The following TRPM3 variants were observed in gnomAD, a reference collection of about 807,000 sequenced individuals.
TRPM3 encodes transient receptor potential cation channel subfamily M member 3, also known as long transient receptor potential channel 3.
Under a neutral mutation model 181.2 loss-of-function variants are expected in TRPM3, and 77 were observed. The ratio of observed to expected loss-of-function variants is 0.42; its 90% CI spans 0.35 to 0.51. The LOEUF (loss-of-function observed/expected upper bound fraction) is 0.51. TRPM3 is among the 20% of genes least tolerant of loss of function. The probability of loss-of-function intolerance (pLI) is 0.01; values close to 1 mark genes in which losing one functional copy is unlikely to be tolerated. For missense variants in TRPM3, 1,759 were observed against 2,196.7 expected (o/e 0.80, Z 3.98); for synonymous variants, 745 against 796.4 (o/e 0.94, Z 1.09).
At chr9:71,333,549 C>A (rs1302895409) in intron 1 of TRPM3, among the ~76,000 whole-genome samples, 2 of 151,932 alleles carry the variant, frequency 1.3e-5, no homozygotes, top group African/African-American at 4.8e-5. Flanking sequence ...TGTGGGGAGG[C>A]CCCTGTGAGA....
chr9:71,405,823 G>A (rs775723696), intron 1 of TRPM3, among the ~76,000 whole-genome samples: 4 of 152,146 alleles, frequency 2.6e-5, no homozygotes, highest in Non-Finnish European at 4.4e-5. Flanking sequence ...TATTCCAGAT[G>A]AAAATATTTT....
At chr9:70,652,141 G>A (rs935211368) in intron 9 of TRPM3, among the ~76,000 whole-genome samples, 1 of 152,118 alleles carries the variant, frequency 6.6e-6, no homozygotes. Context: ...TGTGGAGGAG[G>A]CTTCGAACCT....
At chr9:70,944,811 A>T (rs2096917099) in intron 1 of TRPM3, among the ~76,000 whole-genome samples, 1 of 152,036 alleles carries the variant, frequency 6.6e-6, no homozygotes, top group African/African-American at 2.4e-5. Context: ...TGTGTTTACA[A>T]GGAGATGTTT....
intron 1 of TRPM3, among the ~76,000 whole-genome samples, chr9:71,324,319 A>G (rs1263166851): frequency 6.6e-6 from 1 of 152,128 alleles, no homozygotes. Flanking sequence ...CTCTTAAATA[A>G]TCCAAAGCTA....
At chr9:71,332,407 G>T (rs1565471544) in intron 1 of TRPM3, among the ~76,000 whole-genome samples, 1 of 150,682 alleles carries the variant, frequency 6.6e-6, no homozygotes, top group Non-Finnish European at 1.5e-5. Context: ...GTGTGTGTGT[G>T]TGTGTTTCAG....
intron 16 of TRPM3, 30 bp downstream of exon 16, chr9:70,620,044 CCT>C (rs1268879172): frequency 8.2e-6 from 13 of 1,578,918 alleles, no homozygotes; most frequent in Non-Finnish European, 1.1e-5. Context: ...CTCCTCTCCC[CCT>C]GACCAGCCCA....
intron 1 of TRPM3, among the ~76,000 whole-genome samples, chr9:71,058,675 G>A (rs184377475): frequency 3.9e-5 from 6 of 152,128 alleles, no homozygotes; most frequent in East Asian, 3.9e-4. Flanking sequence ...CATAAGTCAC[G>A]TTAAATTAAC....
intron 1 of TRPM3, among the ~76,000 whole-genome samples, chr9:70,955,910 T>C (rs1004522761): frequency 5.9e-5 from 9 of 152,216 alleles, no homozygotes; most frequent in Non-Finnish European, 7.4e-5. Flanking sequence ...GCACATAATA[T>C]ACTTGGTATG....
chr9:70,824,229 G>C (rs1172345530), intron 6 of TRPM3, among the ~76,000 whole-genome samples: 2 of 129,804 alleles, frequency 1.5e-5, no homozygotes, highest in Non-Finnish European at 3.5e-5. Context: ...GAAATGCTGA[G>C]GGGCGTTCAT....
At chr9:70,979,099 C>T (rs1053250949) in intron 1 of TRPM3, among the ~76,000 whole-genome samples, 1 of 152,142 alleles carries the variant, frequency 6.6e-6, no homozygotes, top group Non-Finnish European at 1.5e-5. Context: ...TGTACTGCTT[C>T]GTGATCCTAG....
chr9:70,883,560 C>T (rs1371785082), intron 1 of TRPM3, among the ~76,000 whole-genome samples: 2 of 152,164 alleles, frequency 1.3e-5, no homozygotes, highest in Non-Finnish European at 2.9e-5. Context: ...TGATGCTTTT[C>T]CCATTCCAAT....
At chr9:71,279,835 T>C (rs947846770) in intron 1 of TRPM3, among the ~76,000 whole-genome samples, 7 of 152,128 alleles carry the variant, frequency 4.6e-5, no homozygotes, top group African/African-American at 1.7e-4. Context: ...CCCAGCACTT[T>C]GGGAGGCCGA....
At chr9:71,297,262 T>C (rs2086362309) in intron 1 of TRPM3, among the ~76,000 whole-genome samples, 2 of 152,144 alleles carry the variant, frequency 1.3e-5, no homozygotes, top group South Asian at 2.1e-4. Context: ...TGGTATTTAA[T>C]AGTATAATGG....
intron 1 of TRPM3, among the ~76,000 whole-genome samples, chr9:71,426,297 T>TG (rs1429927236): frequency 4.0e-5 from 6 of 151,464 alleles, no homozygotes; most frequent in Admixed American, 3.3e-4. Flanking sequence ...CTTTTTTTTT[T>TG]TAATTTAGGG....
In TRPM3 at chr9:71,094,871, T is replaced by A. The variant is rs573578877; in HGVS notation, c.177+26307A>T. Among the ~76,000 whole-genome samples, 68 of 152,136 alleles carry A rather than the reference T, an allele frequency of 4.5e-4. 2 individuals carry two copies. The highest frequency in any genetic ancestry group is 1.6e-3 in the African/African-American group (65 of 41,520). On this transcript the variant is annotated intron_variant, in intron 1 of 25. Transcript: ENST00000677713. ...CTCTATGATCACAGAATACACACAC[T>A]CGACTCGGCAATATAATGTTGATCT...
chr9:71,216,953 T>C (rs1029610851), intron 1 of TRPM3, among the ~76,000 whole-genome samples: 60 of 126,558 alleles, frequency 4.7e-4, no homozygotes, highest in Middle Eastern at 3.8e-3. Flanking sequence ...TTTTTTTTTT[T>C]TTTTTTTTTT....
At chr9:71,178,722 C>T (rs564091710) in intron 1 of TRPM3, among the ~76,000 whole-genome samples, 2 of 152,096 alleles carry the variant, frequency 1.3e-5, no homozygotes, top group East Asian at 3.9e-4. Context: ...GAGAAAATAG[C>T]AATTTTGTGA....
intron 1 of TRPM3, among the ~76,000 whole-genome samples, chr9:71,343,663 T>TCCTGATAGAGGCC (rs2132621187): frequency 6.6e-6 from 1 of 152,228 alleles, no homozygotes; most frequent in African/African-American, 2.4e-5. Context: ...TCTATCTCTG[T>TCCTGATAGAGGCC]CCACTGAAAG....
chr9:70,598,734 G>A, intron 20 of TRPM3, 64 bp from the exon 21 acceptor site: 1 of 1,563,592 alleles, frequency 6.4e-7, no homozygotes, highest in African/African-American at 1.3e-5. Context: ...GCCCAGTTGG[G>A]AAGTGCTTGG....
Sources: gnomAD v4.1 joint callset for allele counts (sites outside exome capture counted in the v4.1 genomes callset) on GRCh38, gnomAD v4.1.1 for gene constraint, MANE v1.5 for transcripts, NCBI Gene and HGNC (gene_info 2026-07-23, HGNC 2026-07-21) for gene names.